Variants in TRPM7 observed in about 807,000 individuals in gnomAD.
TRPM7 encodes the protein LTRPC ion channel family member 7.
In TRPM7, 134 loss-of-function variants were observed where a neutral mutation model predicts 229.7. The observed-to-expected ratio is 0.58, with a 90% CI of 0.51 to 0.67. The LOEUF (loss-of-function observed/expected upper bound fraction) is 0.67. Ranked by LOEUF, TRPM7 falls within the 30% of genes least tolerant of loss-of-function variation. The pLI is 0.00. For synonymous variants in TRPM7, 699 were observed against 715.2 expected, an observed-to-expected ratio of 0.98 and a Z score of 0.36; for missense variants, 1,901 against 2,210.0, an observed-to-expected ratio of 0.86 and a Z score of 2.80.
rs534144419 is a variant in TRPM7 at position 50,633,107 on chromosome 15, A to G, written c.1008-115T>C. 20 of 864,544 alleles carry G rather than the reference A, an allele frequency of 2.3e-5. No homozygotes were observed. The African/African-American group carries it at 3.0e-4, about 13-fold the overall frequency. 53.6% of individuals were successfully genotyped at this position (864,544 alleles called of 1,614,324 possible). ...TGAAAATAATGGATTAATATTACAT[A>G]CTTCACCTTGGGTGGGATTATTTCT... On this transcript the variant is annotated intron_variant, in intron 8 of 38. Coordinates refer to ENST00000646667, the MANE Select transcript of TRPM7 (RefSeq NM_017672.6).
At chr15:50,595,840 C>CA (rs1381526379) in intron 23 of TRPM7, among the ~76,000 whole-genome samples, 1 of 152,058 alleles carries the variant, frequency 6.6e-6, no homozygotes, top group Admixed American at 6.6e-5. Flanking sequence ...ACCTGGGTGA[C>CA]AGAGGGAGAC....
In TRPM7 at chr15:50,575,079, T is replaced by C; in HGVS notation, c.4792A>G (p.Ser1598Gly). 6.2e-7 allele frequency: 1 copy of C among 1,614,114 alleles called. No homozygotes were observed. Among genetic ancestry groups the C allele is most frequent in the Non-Finnish European group, 8.5e-7 (1 of 1,179,972 alleles). Reference protein sequence around the residue: ...EESSPNILNNSMSSWSQLGLC... With the variant: ...EESSPNILNNGMSSWSQLGLC... ...CCTAGTTGTGACCAAGAAGACATGC[T>C]GTTATTTAGTATGTTGGGTGAACTC... The change falls in exon 34 of 39, where the codon AGC becomes GGC. Residue 1598 changes from serine (S) to glycine (G), a missense_variant. Coordinates refer to ENST00000646667, the MANE Select transcript of TRPM7 (RefSeq NM_017672.6).
At chr15:50,628,316 T>C in intron 10 of TRPM7, 67 bp from the exon 11 acceptor site, 12 of 1,187,212 alleles carry the variant, frequency 1.0e-5, no homozygotes, top group Non-Finnish European at 1.5e-5. Flanking sequence ...TGAACACTTT[T>C]TTTTTTTTTA....
intron 5 of TRPM7, among the ~76,000 whole-genome samples, chr15:50,642,898 G>A (rs775726161): frequency 7.9e-5 from 12 of 151,838 alleles, no homozygotes; most frequent in Admixed American, 7.2e-4. Flanking sequence ...AAACAGGTTC[G>A]ATTATCATTT....
At chr15:50,674,857 C>G (rs746377911) in intron 1 of TRPM7, among the ~76,000 whole-genome samples, 1 of 152,016 alleles carries the variant, frequency 6.6e-6, no homozygotes, top group African/African-American at 2.4e-5. Context: ...ATATATCATC[C>G]CCTCTACTAC....
chr15:50,605,788 C>A (rs1206635982), intron 20 of TRPM7, among the ~76,000 whole-genome samples: 1 of 152,164 alleles, frequency 6.6e-6, no homozygotes, highest in Non-Finnish European at 1.5e-5. Flanking sequence ...AAACGCTTTG[C>A]AATTTGCTTT....
chr15:50,675,299 C>T (rs147435415), intron 1 of TRPM7, among the ~76,000 whole-genome samples: 2,053 of 151,692 alleles, frequency 0.014, 42 homozygotes, highest in African/African-American at 0.048. Flanking sequence ...GCCAAGATCA[C>T]GCCATTGCAC....
intron 36 of TRPM7, among the ~76,000 whole-genome samples, chr15:50,570,536 T>C (rs978272551): frequency 6.6e-6 from 1 of 152,080 alleles, no homozygotes; most frequent in Admixed American, 6.6e-5. Context: ...GAATAATCCA[T>C]AGGACTTTAA....
intron 38 of TRPM7, among the ~76,000 whole-genome samples, 183 bp downstream of exon 38, chr15:50,569,704 A>G (rs922482468): frequency 1.3e-5 from 2 of 152,238 alleles, no homozygotes; most frequent in African/African-American, 4.8e-5. Flanking sequence ...TGAACTTTGT[A>G]TAAAGAAAGA....
chr15:50,605,115 G>T lies in TRPM7; in HGVS notation c.2739C>A (p.Asn913Lys). The T allele has an allele frequency of 6.2e-7, 1 of 1,603,548 alleles. No homozygotes were observed. Among genetic ancestry groups the T allele is most frequent in the Non-Finnish European group, 8.5e-7 (1 of 1,175,842 alleles). ...CACTAAACCATACTTTAATCTTCTG[G>T]TTTACTTTCCCAGCTTCAGACATAA... is the stretch of plus-strand genomic sequence containing the variant. ...EIFMSEAGKV[N>K]QKIKVWFSDY... The change falls in exon 21 of 39, where the codon AAC becomes AAA. Residue 913 changes from asparagine (N) to lysine (K), a missense_variant. By Grantham distance (94) the Asn-to-Lys change is moderately conservative. This residue lies in a region of TRPM7 where 207 missense variants were observed against 241.5 expected (regional missense o/e 0.86). Coordinates refer to ENST00000646667, the MANE Select transcript of TRPM7 (RefSeq NM_017672.6).
chr15:50,563,729 A>G (rs2141428886), intron 38 of TRPM7, among the ~76,000 whole-genome samples: 1 of 152,174 alleles, frequency 6.6e-6, no homozygotes, highest in East Asian at 1.9e-4. Flanking sequence ...AGCCTGCCCG[A>G]CCCTCGGCCC....
At position 50,639,490 on chromosome 15, in the gene TRPM7, C is replaced by T; in HGVS notation, c.594G>A (p.Lys198=). The change falls in exon 6 of 39, where the codon AAG becomes AAA. Residue 198 remains lysine (K), a synonymous_variant. Transcript: ENST00000646667. ...ATGGAGCTATTCCGATAGTGCAAATCTTTCGAGATGATCTGGAAGCATGTT... is the reference window on the plus strand; with the variant it reads ...ATGGAGCTATTCCGATAGTGCAAATTTTTCGAGATGATCTGGAAGCATGTT... The part of the protein sequence containing the change: ...LKEHASRSSR[K]ICTIGIAPWG... The T allele has an allele frequency of 6.2e-7, 1 of 1,612,244 alleles. No homozygotes were observed. The highest frequency in any genetic ancestry group is 8.5e-7 in the Non-Finnish European group (1 of 1,178,772).
chr15:50,676,620 G>T (rs139120694), intron 1 of TRPM7, among the ~76,000 whole-genome samples: 25 of 152,014 alleles, frequency 1.6e-4, no homozygotes, highest in African/African-American at 5.8e-4. Flanking sequence ...GCAACCAAAA[G>T]CAAGCAGAAA....
chr15:50,673,495 C>G (rs1288937936), intron 1 of TRPM7, among the ~76,000 whole-genome samples: 1 of 152,114 alleles, frequency 6.6e-6, no homozygotes, highest in Non-Finnish European at 1.5e-5. Context: ...AGCTCAGCTC[C>G]CACTTATGAG....
At chr15:50,569,740 C>T in intron 38 of TRPM7, 147 bp downstream of exon 38, 3 of 476,078 alleles carry the variant, frequency 6.3e-6, no homozygotes, top group Admixed American at 7.6e-5. Flanking sequence ...CATTTATAAC[C>T]AACAATATGT....
chr15:50,620,937 A>G (rs1293280620), intron 12 of TRPM7, among the ~76,000 whole-genome samples: 13 of 151,780 alleles, frequency 8.6e-5, no homozygotes, highest in Non-Finnish European at 1.8e-4. Context: ...CATCCCCCAA[A>G]AAAGTAAAAA....
chr15:50,588,275 A>C (rs2059394369), intron 27 of TRPM7: 1 of 979,534 alleles, frequency 1.0e-6, no homozygotes, highest in Non-Finnish European at 1.2e-6. Flanking sequence ...AAAATTATGC[A>C]ACTATTCTCA....
At chr15:50,575,274 T>C (rs370575824) in intron 33 of TRPM7, 139 bp from the exon 34 acceptor site, 4 of 616,778 alleles carry the variant, frequency 6.5e-6, no homozygotes, top group African/African-American at 1.8e-5. Flanking sequence ...CAAAGAAATT[T>C]AATAGCAATA....
intron 36 of TRPM7, among the ~76,000 whole-genome samples, chr15:50,570,581 G>A (rs1047559794): frequency 6.6e-6 from 1 of 150,786 alleles, no homozygotes; most frequent in Admixed American, 6.7e-5. Flanking sequence ...AGTGGCTCAC[G>A]CCTGTAATCC....
Sources: gnomAD v4.1 joint callset for allele counts (sites outside exome capture counted in the v4.1 genomes callset) on GRCh38, gnomAD v4.1.1 for gene constraint, gnomAD v4.1.1 regional missense constraint, MANE v1.5 for transcripts, NCBI Gene and HGNC (gene_info 2026-07-23, HGNC 2026-07-21) for gene names.